Variants in ADAM10 observed in about 807,000 individuals in gnomAD.
The protein encoded by ADAM10 is ADAM metallopeptidase domain 10.
In ADAM10, 17 loss-of-function variants were observed where a neutral mutation model predicts 90.1. The observed-to-expected ratio is 0.19, with a 90% CI of 0.13 to 0.28. ADAM10 has a LOEUF of 0.28. ADAM10 is among the 10% of genes least tolerant of loss of function. The pLI is 1.00. For missense variants in ADAM10, 610 were observed against 914.3 expected, an observed-to-expected ratio of 0.67 and a Z score of 4.29; for synonymous variants, 310 against 298.6, an observed-to-expected ratio of 1.04 and a Z score of -0.40.
Position 58,668,216 on chromosome 15 carries a change from T to C in ADAM10, c.485-3019A>G, listed in dbSNP as rs866614353. On this transcript the variant is annotated intron_variant, in intron 4 of 15. Transcript: ENST00000260408. ...GCAGAACCTTTGCCCTATTCATTAT[T>C]GTATGGATAGTTTCTAAAAGTGTCT... Among the ~76,000 whole-genome samples the C allele has an allele frequency of 2.6e-5, 4 of 152,202 alleles. No homozygotes were observed. In the South Asian group the frequency reaches 6.2e-4, roughly 24 times the overall value.
intron 11 of ADAM10, among the ~76,000 whole-genome samples, chr15:58,621,157 G>C (rs1243040703): frequency 6.6e-6 from 1 of 151,098 alleles, no homozygotes; most frequent in Non-Finnish European, 1.5e-5. Flanking sequence ...CAGCTACTCA[G>C]GGGGCTGAGG....
At chr15:58,645,487 A>C (rs1896522026) in intron 6 of ADAM10, among the ~76,000 whole-genome samples, 1 of 152,178 alleles carries the variant, frequency 6.6e-6, no homozygotes, top group South Asian at 2.1e-4. Context: ...ATACATGTTT[A>C]AAAGGAAGTT....
intron 1 of ADAM10, among the ~76,000 whole-genome samples, chr15:58,726,151 G>A (rs561628201): frequency 1.3e-5 from 2 of 152,174 alleles, no homozygotes; most frequent in African/African-American, 2.4e-5. Context: ...AGAAAACAGA[G>A]GAGAAACACA....
chr15:58,748,666 G>T lies in ADAM10; in HGVS notation c.55+814C>A, dbSNP rs1181714907. 5 of 351,844 alleles carry T rather than the reference G, an allele frequency of 1.4e-5. No homozygotes were observed. The East Asian group carries it at 2.1e-4, about 15-fold the overall frequency. 21.8% of individuals were successfully genotyped at this position (351,844 alleles called of 1,614,324 possible). On this transcript the variant is annotated intron_variant, in intron 1 of 15. Transcript: ENST00000260408. ...AAACTCTTCAAGTTGGGTCACCCAGGGACCGAACTTCTACTCTAAGAGACC... is the reference window on the plus strand; with the variant it reads ...AAACTCTTCAAGTTGGGTCACCCAGTGACCGAACTTCTACTCTAAGAGACC...
intron 15 of ADAM10, 136 bp downstream of exon 15, chr15:58,599,462 A>C (rs1057303344): frequency 1.8e-6 from 2 of 1,097,804 alleles, no homozygotes; most frequent in Non-Finnish European, 2.7e-6. Flanking sequence ...ATATCAACTA[A>C]ATCATTCATC....
chr15:58,706,924 G>T (rs563671273), intron 2 of ADAM10, among the ~76,000 whole-genome samples: 1 of 141,154 alleles, frequency 7.1e-6, no homozygotes, highest in Non-Finnish European at 1.6e-5. Context: ...CAGGAGAATC[G>T]CTTGAACCCA....
At chr15:58,623,894 T>C (rs1341346312) in intron 10 of ADAM10, among the ~76,000 whole-genome samples, 4 of 151,044 alleles carry the variant, frequency 2.6e-5, no homozygotes, top group South Asian at 2.1e-4. Context: ...GATGGGTTGA[T>C]AGGTGCAGTA....
chr15:58,653,211 T>G (rs1896730457), intron 5 of ADAM10, among the ~76,000 whole-genome samples: 1 of 152,178 alleles, frequency 6.6e-6, no homozygotes, highest in Non-Finnish European at 1.5e-5. Flanking sequence ...ACTTTATTTC[T>G]CTCACTTCTC....
intron 1 of ADAM10, chr15:58,748,378 G>C (rs1277918213): frequency 6.6e-6 from 1 of 152,188 alleles, no homozygotes; most frequent in Non-Finnish European, 1.5e-5. Flanking sequence ...TTTTTCAATC[G>C]TTGCTTTTAG....
intron 2 of ADAM10, chr15:58,693,198 C>G (rs1897880578): frequency 1.4e-6 from 1 of 689,942 alleles, no homozygotes; most frequent in Admixed American, 1.8e-5. Flanking sequence ...CTGCAGGCAT[C>G]TTGAAAGGAA....
chr15:58,647,324 G>A (rs924822793), intron 5 of ADAM10, among the ~76,000 whole-genome samples: 2 of 131,004 alleles, frequency 1.5e-5, no homozygotes, highest in Non-Finnish European at 3.1e-5. Context: ...GCAGTGGCAC[G>A]ATCTTGGCTC....
At chr15:58,619,516 C>A (rs1313143702) in intron 11 of ADAM10, among the ~76,000 whole-genome samples, 1 of 152,086 alleles carries the variant, frequency 6.6e-6, no homozygotes, top group Non-Finnish European at 1.5e-5. Flanking sequence ...AGATAAATAT[C>A]CTTATTACCT....
At position 58,693,761 on chromosome 15, in the gene ADAM10, TA is replaced by T. The variant is rs36118429; in HGVS notation, c.207-11448del. Reference sequence around the variant, plus strand: ...CAAAACTTCCGCTGAGAAATAGCTTTAAAAAAAAAAAAAAAGGCAAGCCACA... The same window carrying T: ...CAAAACTTCCGCTGAGAAATAGCTTTAAAAAAAAAAAAAAGGCAAGCCACA... On this transcript the variant is annotated intron_variant, in intron 2 of 15. Coordinates refer to ENST00000260408, the MANE Select transcript of ADAM10 (RefSeq NM_001110.4). Among the ~76,000 whole-genome samples, 554 of 135,882 alleles carry T rather than the reference TA, an allele frequency of 4.1e-3. 2 individuals are homozygous for T. The highest frequency in any genetic ancestry group is 0.011 in the African/African-American group (411 of 36,612). 89.1% of individuals were successfully genotyped at this position (135,882 alleles called of 152,430 possible). A position where few individuals can be genotyped will look rare whatever the true frequency, so the allele number is the denominator to read the frequency against.
intron 2 of ADAM10, among the ~76,000 whole-genome samples, chr15:58,709,181 TG>T (rs1898395386): frequency 6.6e-6 from 1 of 152,140 alleles, no homozygotes. Flanking sequence ...ATAAAATCCT[TG>T]CTGCACCTTT....
chr15:58,731,254 T>C (rs1899226594), intron 1 of ADAM10, among the ~76,000 whole-genome samples: 2 of 152,204 alleles, frequency 1.3e-5, no homozygotes, highest in African/African-American at 2.4e-5. Context: ...CACTGAGTAC[T>C]ATGCTGAATC....
At chr15:58,661,293 C>G (rs1348661108) in intron 5 of ADAM10, among the ~76,000 whole-genome samples, 1 of 152,094 alleles carries the variant, frequency 6.6e-6, no homozygotes. Flanking sequence ...CATCTGGTAT[C>G]TTTTTCTGCC....
chr15:58,659,989 A>C (rs1896929582), intron 5 of ADAM10, among the ~76,000 whole-genome samples: 1 of 152,132 alleles, frequency 6.6e-6, no homozygotes, highest in Non-Finnish European at 1.5e-5. Flanking sequence ...CGGCCTCCCA[A>C]AGTGCTGGGA....
rs560500672 is a variant in ADAM10, at chr15:58,625,479, G to A, written c.1360+2221C>T. 2.0e-5 allele frequency among the ~76,000 whole-genome samples: 3 copies of A among 152,238 alleles called. No individual in the cohort carries two copies. The East Asian group carries it at 5.8e-4, about 29-fold the overall frequency. ...ATATCACAGCACGCCCATCAGAACA[G>A]CTAAAATAAAAAACTGTGAAAACTC... On this transcript the variant is annotated intron_variant, in intron 10 of 15. Transcript: ENST00000260408.
chr15:58,646,981 T>C (rs1445454034), intron 5 of ADAM10, among the ~76,000 whole-genome samples: 2 of 152,212 alleles, frequency 1.3e-5, no homozygotes, highest in African/African-American at 4.8e-5. Flanking sequence ...ATGCTGACAC[T>C]ACCTCTTCTG....
Sources: gnomAD v4.1 joint callset for allele counts (sites outside exome capture counted in the v4.1 genomes callset) on GRCh38, gnomAD v4.1.1 for gene constraint, MANE v1.5 for transcripts, NCBI Gene and HGNC (gene_info 2026-07-23, HGNC 2026-07-21) for gene names.